The following APC variants were observed in gnomAD, a reference collection of about 807,000 sequenced individuals.
APC encodes the protein APC regulator of Wnt signaling pathway.
In APC, 72 loss-of-function variants were observed where a neutral mutation model predicts 247.0. The observed-to-expected ratio is 0.29, with a 90% CI of 0.24 to 0.35. The LOEUF (loss-of-function observed/expected upper bound fraction) is 0.35, where lower values mean the gene tolerates loss of function less well. Ranked by LOEUF, APC falls within the 10% of genes least tolerant of loss-of-function variation. The pLI, the probability that APC is intolerant of heterozygous loss-of-function variation, is 1.00. For synonymous variants in APC, 1,254 were observed against 1,162.5 expected, an observed-to-expected ratio of 1.08 and a Z score of -1.60; for missense variants, 3,400 against 3,360.7, an observed-to-expected ratio of 1.01 and a Z score of -0.29.
At chr5:112,803,907 T>A (rs992039261) in intron 8 of APC, among the ~76,000 whole-genome samples, 6 of 152,216 alleles carry the variant, frequency 3.9e-5, no homozygotes, top group Non-Finnish European at 8.8e-5. Context: ...CACTTATTTG[T>A]TTAAACCTTT....
At chr5:112,819,414 T>G in intron 10 of APC, 70 bp downstream of exon 10, 16 of 1,592,340 alleles carry the variant, frequency 1.0e-5, no homozygotes, top group Non-Finnish European at 1.1e-5. Context: ...ACAGAAAACA[T>G]GTTTAGTTAA....
chr5:112,740,823 T>G (rs1752930263), intron 1 of APC, among the ~76,000 whole-genome samples: 2 of 152,074 alleles, frequency 1.3e-5, no homozygotes, highest in Non-Finnish European at 2.9e-5. Context: ...CACCATGAAG[T>G]TTTTCCATTT....
At chr5:112,793,067 T>C (rs961371142) in intron 7 of APC, among the ~76,000 whole-genome samples, 3 of 151,970 alleles carry the variant, frequency 2.0e-5, no homozygotes, top group Non-Finnish European at 4.4e-5. Context: ...ACTAGATACC[T>C]CTGGGTGTGA....
At chr5:112,767,911 G>A (rs1212019589) in intron 4 of APC, among the ~76,000 whole-genome samples, 6 of 152,054 alleles carry the variant, frequency 3.9e-5, no homozygotes, top group Admixed American at 1.3e-4. Flanking sequence ...ATATTTATAC[G>A]TAGTTAAAAT....
chr5:112,772,013 A>G (rs1299021754), intron 4 of APC, among the ~76,000 whole-genome samples: 1 of 152,186 alleles, frequency 6.6e-6, no homozygotes, highest in Middle Eastern at 3.2e-3. Context: ...TAAAGTCCTT[A>G]GCACTATGCC....
At chr5:112,727,338 A>T (rs938847108) in intron 1 of APC, among the ~76,000 whole-genome samples, 1 of 152,190 alleles carries the variant, frequency 6.6e-6, no homozygotes, top group Non-Finnish European at 1.5e-5. Context: ...AGAAAATGGT[A>T]TAGCATTAGG....
rs762062860 is a variant in APC at position 112,775,649 on chromosome 5, T to A, written c.443T>A (p.Leu148His). 3.1e-6 allele frequency: 5 copies of A among 1,606,316 alleles called. No homozygotes were observed. The highest frequency in any genetic ancestry group is 4.3e-6 in the Non-Finnish European group (5 of 1,176,184). Residue 148 changes from leucine (L) to histidine (H), a missense_variant, in exon 5 of 16, where the codon CTT becomes CAT. Physicochemically the swap from Leu to His is moderately conservative, Grantham distance 99 (BLOSUM62 -3). Coordinates refer to ENST00000257430, the MANE Select transcript of APC (RefSeq NM_000038.6). ...EKERSLLLAD[L>H]DKEEKEKDWY... ...AATAGGTCATTGCTTCTTGCTGATC[T>A]TGACAAAGAAGAAAAGGAAAAAGAC...
intron 5 of APC, among the ~76,000 whole-genome samples, chr5:112,777,330 G>C (rs1452092833): frequency 6.6e-6 from 1 of 152,048 alleles, no homozygotes; most frequent in Non-Finnish European, 1.5e-5. Flanking sequence ...AGGCATATGA[G>C]AACAGAAGTT....
At position 112,831,433 on chromosome 5, in the gene APC, T is replaced by G. The variant is rs544243; in HGVS notation, c.1743+2461T>G. Among the ~76,000 whole-genome samples, 90,217 of 152,066 alleles carry G rather than the reference T, an allele frequency of 0.59. 27,374 individuals are homozygous for G. Among genetic ancestry groups the G allele is most frequent in the East Asian group, 0.9 (4,676 of 5,178 alleles). On this transcript the variant is annotated intron_variant, in intron 14 of 15. Transcript: ENST00000257430. ...CTTGGAAAAACTAGCTGTCAGAAAT[T>G]TATAATATCCAGTTCTGATTTGGGC...
intron 12 of APC, 32 bp from the exon 13 acceptor site, chr5:112,827,897 T>C (rs774691106): frequency 6.3e-7 from 1 of 1,584,926 alleles, no homozygotes; most frequent in East Asian, 2.2e-5. Flanking sequence ...GTTGTCTTTT[T>C]AATGATCCTC....
At chr5:112,750,216 G>C (rs1754180420) in intron 1 of APC, among the ~76,000 whole-genome samples, 1 of 152,044 alleles carries the variant, frequency 6.6e-6, no homozygotes, top group East Asian at 1.9e-4. Flanking sequence ...GCCCGCTTCA[G>C]CCTCCCAAAG....
chr5:112,720,282 T>C (rs886076872), intron 1 of APC, among the ~76,000 whole-genome samples: 3 of 152,266 alleles, frequency 2.0e-5, no homozygotes, highest in South Asian at 2.1e-4. Flanking sequence ...AGAATTCTTA[T>C]GTGTTTACTG....
At chr5:112,730,514 A>G (rs926413664) in intron 1 of APC, among the ~76,000 whole-genome samples, 3 of 152,168 alleles carry the variant, frequency 2.0e-5, no homozygotes, top group African/African-American at 7.2e-5. Context: ...TGATACCTTT[A>G]TCTCTATAGA....
At chr5:112,759,421 GA>G (rs1457487645) in intron 2 of APC, among the ~76,000 whole-genome samples, 1 of 136,392 alleles carries the variant, frequency 7.3e-6, no homozygotes, top group Non-Finnish European at 1.5e-5. Context: ...GCAGTGACAT[GA>G]TCTTGGCTGT....
rs922551482 is a variant in APC, at chr5:112,845,011, T to C, written c.*885T>C. On this transcript the variant is annotated 3_prime_UTR_variant, in exon 16 of 16. Coordinates refer to ENST00000257430, the MANE Select transcript of APC (RefSeq NM_000038.6). The stretch of plus-strand genomic sequence containing the variant: ...CTGAAATTGGTATTTGTTTGAAGGG[T>C]CTTGTTTCACATTTGTATTAATAAT... The C allele has an allele frequency of 4.3e-6, 1 of 232,246 alleles. No individual in the cohort carries two copies. The highest frequency in any genetic ancestry group is 6.1e-5 in the East Asian group (1 of 16,336). 14.4% of individuals were successfully genotyped at this position (232,246 alleles called of 1,614,324 possible). A position where few individuals can be genotyped will look rare whatever the true frequency, so the allele number is the denominator to read the frequency against.
intron 1 of APC, among the ~76,000 whole-genome samples, chr5:112,742,620 C>T (rs148409728): frequency 3.9e-5 from 6 of 152,280 alleles, no homozygotes; most frequent in Non-Finnish European, 7.4e-5. Context: ...TTCCTTGTCA[C>T]GTGGGCCTCT....
chr5:112,761,423 G>T (rs1345570113), intron 2 of APC, among the ~76,000 whole-genome samples: 1 of 151,958 alleles, frequency 6.6e-6, no homozygotes, highest in African/African-American at 2.4e-5. Context: ...TTTTGACAGA[G>T]AATTGGAGTC....
At chr5:112,746,087 T>G (rs1753639558) in intron 1 of APC, among the ~76,000 whole-genome samples, 1 of 152,122 alleles carries the variant, frequency 6.6e-6, no homozygotes. Context: ...TAAAGAATTT[T>G]TAAATGACAG....
intron 1 of APC, among the ~76,000 whole-genome samples, chr5:112,739,700 C>G (rs1752770580): frequency 6.6e-6 from 1 of 151,896 alleles, no homozygotes; most frequent in Non-Finnish European, 1.5e-5. Flanking sequence ...AAGACCCTAT[C>G]TCAAAAAAAA....
Sources: allele counts gnomAD v4.1 joint callset (sites outside exome capture counted in the v4.1 genomes callset), GRCh38; gene constraint gnomAD v4.1.1; transcripts MANE v1.5; gene names NCBI Gene and HGNC (gene_info 2026-07-23, HGNC 2026-07-21).